The following RYR3 variants were observed in gnomAD, a reference collection of about 807,000 sequenced individuals.
RYR3 encodes ryanodine receptor 3, also known as brain ryanodine receptor-calcium release channel.
A neutral mutation model predicts 584.3 loss-of-function variants in RYR3; 207 were observed. The observed-to-expected ratio is 0.35, with a 90% CI of 0.32 to 0.40. RYR3 has a LOEUF of 0.40. RYR3 is among the 10% of genes least tolerant of loss of function. RYR3 has a pLI of 1.00. For synonymous variants in RYR3, 2,416 were observed against 2,248.5 expected, an observed-to-expected ratio of 1.07 and a Z score of -2.11; for missense variants, 5,616 against 6,089.2, an observed-to-expected ratio of 0.92 and a Z score of 2.59.
intron 2 of RYR3, among the ~76,000 whole-genome samples, chr15:33,501,864 T>C (rs927333909): frequency 6.6e-6 from 1 of 152,160 alleles, no homozygotes; most frequent in African/African-American, 2.4e-5. Flanking sequence ...ACAAATAAGT[T>C]AATTACCTGC....
intron 1 of RYR3, among the ~76,000 whole-genome samples, chr15:33,363,158 G>T (rs1054446038): frequency 6.6e-6 from 1 of 152,192 alleles, no homozygotes; most frequent in Admixed American, 6.5e-5. Context: ...CTTGGGTAGA[G>T]GAGAGAAAGC....
intron 43 of RYR3, among the ~76,000 whole-genome samples, chr15:33,711,275 G>A (rs572679379): frequency 1.1e-4 from 12 of 106,632 alleles, no homozygotes; most frequent in South Asian, 2.9e-4. Flanking sequence ...ACTGAGTCTC[G>A]TTCTGTCGCC....
chr15:33,863,173 A>T (rs1277377756), intron 102 of RYR3, among the ~76,000 whole-genome samples: 2 of 152,162 alleles, frequency 1.3e-5, no homozygotes, highest in South Asian at 4.1e-4. Context: ...AGGGGAAAGA[A>T]CCCAATTTTA....
At chr15:33,415,775 CT>C (rs1395979087) in intron 1 of RYR3, among the ~76,000 whole-genome samples, 1 of 152,150 alleles carries the variant, frequency 6.6e-6, no homozygotes, top group Non-Finnish European at 1.5e-5. Context: ...TTGTGTGATG[CT>C]GAGATTTGGG....
chr15:33,834,816 A>G (rs1375402865), intron 86 of RYR3, among the ~76,000 whole-genome samples, 152 bp from the exon 87 acceptor site: 1 of 152,292 alleles, frequency 6.6e-6, no homozygotes, highest in East Asian at 1.9e-4. Context: ...AAAAGAAAAA[A>G]GTAATAATCC....
rs1417025706 is a variant in RYR3 at position 33,859,668 on chromosome 15, C to T, written c.14236C>T (p.Arg4746Cys). The T allele has an allele frequency of 3.1e-6, 5 of 1,613,712 alleles. No homozygotes were observed. Among genetic ancestry groups the T allele is most frequent in the Non-Finnish European group, 4.2e-6 (5 of 1,179,806 alleles). The change falls in exon 100 of 104, where the codon CGC (arginine) becomes TGC (cysteine). Residue 4746 changes from arginine to cysteine, a missense_variant. Transcript: ENST00000634891. The part of the protein sequence containing the change: ...DPAGDPYEMY[R>C]IVFDITFFFF... ...TGCTGGTGATCCTTATGAAATGTATCGCATTGTCTTTGACATTACCTTTTT... is the reference window on the plus strand; with the variant it reads ...TGCTGGTGATCCTTATGAAATGTATTGCATTGTCTTTGACATTACCTTTTT...
At chr15:33,319,520 T>G (rs1435512077) in intron 1 of RYR3, among the ~76,000 whole-genome samples, 1 of 152,226 alleles carries the variant, frequency 6.6e-6, no homozygotes, top group Non-Finnish European at 1.5e-5. Flanking sequence ...AGTGAGGTCT[T>G]GAACAGATCT....
rs2073777381 is a variant in RYR3 at position 33,773,628 on chromosome 15, C to T, written c.9137+13C>T. On this transcript the variant is annotated intron_variant, in intron 64 of 103. Coordinates refer to ENST00000634891, the MANE Select transcript of RYR3 (RefSeq NM_001036.6). The stretch of plus-strand genomic sequence containing the variant: ...TTTATGTTGAAAGGTAATTAGTGAA[C>T]GAAGAGGCTAACACTTTCAGGCATA... The T allele has an allele frequency of 4.6e-6, 7 of 1,535,930 alleles. No homozygotes were observed. The highest frequency in any genetic ancestry group is 3.6e-6 in the Non-Finnish European group (4 of 1,116,624).
chr15:33,574,741 G>A (rs943743880), intron 12 of RYR3, among the ~76,000 whole-genome samples: 2 of 152,160 alleles, frequency 1.3e-5, no homozygotes, highest in Non-Finnish European at 2.9e-5. Context: ...TGGTGAATAA[G>A]CAAATATACT....
At chr15:33,401,550 G>T (rs1397109873) in intron 1 of RYR3, among the ~76,000 whole-genome samples, 1 of 152,162 alleles carries the variant, frequency 6.6e-6, no homozygotes, top group African/African-American at 2.4e-5. Context: ...CTGGCCTGTA[G>T]AATAATTTTT....
At chr15:33,676,322 G>C (rs866793579) in intron 38 of RYR3, among the ~76,000 whole-genome samples, 2 of 151,848 alleles carry the variant, frequency 1.3e-5, no homozygotes, top group African/African-American at 4.8e-5. Context: ...CTTGATTTCA[G>C]TCTAGATCTG....
intron 23 of RYR3, among the ~76,000 whole-genome samples, chr15:33,632,656 A>C (rs2061326071): frequency 6.6e-6 from 1 of 152,176 alleles, no homozygotes; most frequent in South Asian, 2.1e-4. Flanking sequence ...CGTGCCCATT[A>C]TTTCTAGAGA....
intron 1 of RYR3, among the ~76,000 whole-genome samples, chr15:33,325,869 A>G (rs1235013551): frequency 6.6e-6 from 1 of 151,534 alleles, no homozygotes; most frequent in Non-Finnish European, 1.5e-5. Context: ...TGGCACAATC[A>G]TGCCCCACTG....
chr15:33,669,488 T>C (rs777714312), intron 37 of RYR3, 32 bp downstream of exon 37: 69 of 1,583,960 alleles, frequency 4.4e-5, no homozygotes, highest in South Asian at 4.1e-4. Flanking sequence ...TTTGTCCTTT[T>C]TTTACAAGAA....
At chr15:33,593,145 G>C (rs1202195897) in intron 16 of RYR3, among the ~76,000 whole-genome samples, 7 of 152,242 alleles carry the variant, frequency 4.6e-5, no homozygotes, top group Admixed American at 3.3e-4. Context: ...ATCTCAGTGA[G>C]CAGAGGAGTG....
intron 31 of RYR3, among the ~76,000 whole-genome samples, chr15:33,650,767 A>G (rs1414590051): frequency 3.9e-5 from 6 of 152,176 alleles, no homozygotes; most frequent in Non-Finnish European, 5.9e-5. Context: ...TTTTCAATCT[A>G]TGTGTGGTTG....
At chr15:33,381,294 G>A (rs1208630462) in intron 1 of RYR3, among the ~76,000 whole-genome samples, 1 of 152,172 alleles carries the variant, frequency 6.6e-6, no homozygotes, top group East Asian at 1.9e-4. Context: ...GCAGTGAGGT[G>A]ATTTGCTCGA....
intron 69 of RYR3, among the ~76,000 whole-genome samples, chr15:33,806,839 G>A (rs543857338): frequency 4.0e-5 from 6 of 150,864 alleles, no homozygotes; most frequent in African/African-American, 1.5e-4. Flanking sequence ...CTGCAGCCTT[G>A]AACTCTTGAG....
chr15:33,324,615 C>T (rs1969439861), intron 1 of RYR3, among the ~76,000 whole-genome samples: 1 of 152,162 alleles, frequency 6.6e-6, no homozygotes, highest in Admixed American at 6.5e-5. Flanking sequence ...TGCAAGCGTT[C>T]AGGGGCCAGA....
Sources: allele counts gnomAD v4.1 joint callset (sites outside exome capture counted in the v4.1 genomes callset), GRCh38; gene constraint gnomAD v4.1.1; transcripts MANE v1.5; gene names NCBI Gene and HGNC (gene_info 2026-07-23, HGNC 2026-07-21).